The following PEBP4 variants were observed in gnomAD, a reference collection of about 807,000 sequenced individuals.
The protein encoded by PEBP4 is phosphatidylethanolamine binding protein 4.
PEBP4 carries 22 observed loss-of-function variants against 23.9 expected under a neutral mutation model. The ratio of observed to expected loss-of-function variants is 0.92; its 90% CI spans 0.66 to 1.31. The LOEUF is 1.31. Ranked by LOEUF, PEBP4 falls within the 40% of genes most tolerant of loss-of-function variation. PEBP4 has a pLI of 0.00. For missense variants in PEBP4, 324 were observed against 281.7 expected (o/e 1.15, Z -1.07); for synonymous variants, 112 against 99.3 (o/e 1.13, Z -0.76).
chr8:22,802,896 T>G (rs1806417098), intron 4 of PEBP4, among the ~76,000 whole-genome samples: 1 of 152,140 alleles, frequency 6.6e-6, no homozygotes, highest in African/African-American at 2.4e-5. Flanking sequence ...TCTACCTCCC[T>G]GTTTCTGTTT....
intron 4 of PEBP4, among the ~76,000 whole-genome samples, chr8:22,737,294 CAAAAAAAA>C (rs11302571): frequency 4.6e-5 from 3 of 65,498 alleles, no homozygotes; most frequent in Non-Finnish European, 9.5e-5. Flanking sequence ...GACTCCGTCT[CAAAAAAAA>C]AAAAAAAAAA....
chr8:22,908,148 G>A (rs1198486471), intron 3 of PEBP4, among the ~76,000 whole-genome samples: 1 of 152,112 alleles, frequency 6.6e-6, no homozygotes, highest in East Asian at 1.9e-4. Context: ...CTGGGTACTT[G>A]GGGCTGGCCA....
At chr8:22,814,128 TAAC>T (rs1417826889) in intron 4 of PEBP4, among the ~76,000 whole-genome samples, 2 of 152,206 alleles carry the variant, frequency 1.3e-5, no homozygotes, top group African/African-American at 2.4e-5. Flanking sequence ...TTAAGCTTCA[TAAC>T]AACAGTGTGA....
chr8:22,890,201 G>A (rs1420802855), intron 3 of PEBP4, among the ~76,000 whole-genome samples: 3 of 152,182 alleles, frequency 2.0e-5, no homozygotes, highest in African/African-American at 7.2e-5. Flanking sequence ...GAAGGTGAAA[G>A]GCAAGAGAAC....
At chr8:22,936,078 T>A (rs897783713) in intron 1 of PEBP4, among the ~76,000 whole-genome samples, 3 of 146,956 alleles carry the variant, frequency 2.0e-5, no homozygotes, top group Non-Finnish European at 4.5e-5. Context: ...ATACTAAAGA[T>A]TGCAACAGAC....
At chr8:22,892,453 A>T (rs929943615) in intron 3 of PEBP4, among the ~76,000 whole-genome samples, 15 of 152,216 alleles carry the variant, frequency 9.9e-5, no homozygotes, top group African/African-American at 3.4e-4. Flanking sequence ...TCCTGGTGGA[A>T]TAATTCCTGG....
At chr8:22,774,855 C>G (rs187123163) in intron 4 of PEBP4, among the ~76,000 whole-genome samples, 292 of 152,246 alleles carry the variant, frequency 1.9e-3, no homozygotes, top group African/African-American at 6.7e-3. Flanking sequence ...GGAAAGAAAC[C>G]AATCTGACTT....
intron 3 of PEBP4, 37 bp downstream of exon 3, chr8:22,920,147 A>G (rs770836145): frequency 4.5e-6 from 7 of 1,572,798 alleles, no homozygotes; most frequent in Non-Finnish European, 6.1e-6. Flanking sequence ...AAGACCCCCA[A>G]CTGTCCCCCC....
At chr8:22,898,412 A>C (rs5019303) in intron 3 of PEBP4, among the ~76,000 whole-genome samples, 43,958 of 130,738 alleles carry the variant, frequency 0.34, 8,597 homozygotes, top group Middle Eastern at 0.42. Context: ...AAAAAAAAAA[A>C]AAAAAAAAAA....
intron 6 of PEBP4, among the ~76,000 whole-genome samples, chr8:22,723,044 G>A (rs1442681098): frequency 6.6e-6 from 1 of 151,166 alleles, no homozygotes; most frequent in Non-Finnish European, 1.5e-5. Flanking sequence ...GTCTCCCAAA[G>A]TGCTGGGATT....
chr8:22,907,502 G>A (rs1808841544), intron 3 of PEBP4, among the ~76,000 whole-genome samples: 1 of 151,934 alleles, frequency 6.6e-6, no homozygotes, highest in Non-Finnish European at 1.5e-5. Flanking sequence ...AAAGAATGAG[G>A]CTCCATCTCA....
rs1161688866 is a variant in PEBP4, at chr8:22,713,265, T to C, written c.*105A>G. On this transcript the variant is annotated 3_prime_UTR_variant, in exon 7 of 7. Coordinates refer to ENST00000256404, the MANE Select transcript of PEBP4 (RefSeq NM_144962.3). Reference sequence around the variant, plus strand: ...AAAGCACCAAGCCCTGGATGATTTTTTTTTTATTTGGAAAAGAAGGGGTTC... The same window carrying C: ...AAAGCACCAAGCCCTGGATGATTTTCTTTTTATTTGGAAAAGAAGGGGTTC... 2.1e-6 allele frequency: 3 copies of C among 1,419,286 alleles called. No homozygotes were observed. Among genetic ancestry groups the C allele is most frequent in the Non-Finnish European group, 2.8e-6 (3 of 1,086,674 alleles). 87.9% of individuals were successfully genotyped at this position (1,419,286 alleles called of 1,614,324 possible).
intron 1 of PEBP4, among the ~76,000 whole-genome samples, chr8:22,936,318 G>A (rs761929064): frequency 4.3e-4 from 66 of 152,030 alleles, no homozygotes; most frequent in Non-Finnish European, 7.2e-4. Flanking sequence ...TAAACAATGG[G>A]TAAGGTTGTT....
intron 3 of PEBP4, among the ~76,000 whole-genome samples, chr8:22,832,107 G>C (rs1295280288): frequency 6.6e-6 from 1 of 152,146 alleles, no homozygotes; most frequent in Non-Finnish European, 1.5e-5. Flanking sequence ...TGAGGGATGG[G>C]TCAGCATGGC....
chr8:22,900,744 A>G (rs1375552717), intron 3 of PEBP4, among the ~76,000 whole-genome samples: 1 of 152,150 alleles, frequency 6.6e-6, no homozygotes, highest in African/African-American at 2.4e-5. Flanking sequence ...TGGATACAGA[A>G]CTCAGATCTG....
At chr8:22,918,653 T>A (rs940005957) in intron 3 of PEBP4, among the ~76,000 whole-genome samples, 2 of 152,200 alleles carry the variant, frequency 1.3e-5, no homozygotes, top group Admixed American at 6.5e-5. Context: ...GTCCCTGGCC[T>A]GTGAAAGCAT....
At chr8:22,759,337 A>G (rs188563537) in intron 4 of PEBP4, among the ~76,000 whole-genome samples, 7 of 150,716 alleles carry the variant, frequency 4.6e-5, no homozygotes. Flanking sequence ...CAAGTGAAAC[A>G]TTAGAGAAGG....
At chr8:22,784,902 G>T (rs553584210) in intron 4 of PEBP4, among the ~76,000 whole-genome samples, 6 of 152,320 alleles carry the variant, frequency 3.9e-5, no homozygotes, top group East Asian at 1.9e-4. Context: ...CGAGCCGGAG[G>T]GGGGACCGTC....
intron 4 of PEBP4, among the ~76,000 whole-genome samples, chr8:22,781,934 C>A (rs954099500): frequency 6.6e-6 from 1 of 152,214 alleles, no homozygotes; most frequent in Non-Finnish European, 1.5e-5. Flanking sequence ...CTGAAGCCAC[C>A]CACTCTGCCA....
Sources: gnomAD v4.1 joint callset for allele counts (sites outside exome capture counted in the v4.1 genomes callset) on GRCh38, gnomAD v4.1.1 for gene constraint, MANE v1.5 for transcripts, NCBI Gene and HGNC (gene_info 2026-07-23, HGNC 2026-07-21) for gene names.